The following BAALC variants were observed in gnomAD, a reference collection of about 807,000 sequenced individuals.
BAALC encodes brain and acute leukemia cytoplasmic protein.
BAALC carries 9 observed loss-of-function variants against 15.5 expected under a neutral mutation model. That is an observed-to-expected ratio of 0.58 (90% CI 0.35 to 1.02). The LOEUF (loss-of-function observed/expected upper bound fraction) is 1.02. BAALC is among the 50% of genes least tolerant of loss of function. The pLI, the probability that BAALC is intolerant of heterozygous loss-of-function variation, is 0.02. For synonymous variants in BAALC, 80 were observed against 74.6 expected, an observed-to-expected ratio of 1.07 and a Z score of -0.37; for missense variants, 201 against 192.4, an observed-to-expected ratio of 1.04 and a Z score of -0.27.
chr8:103,155,846 G>C (rs917655903), intron 1 of BAALC, among the ~76,000 whole-genome samples: 1 of 152,184 alleles, frequency 6.6e-6, no homozygotes, highest in Non-Finnish European at 1.5e-5. Context: ...CGTGGGTCTG[G>C]GGTGGACCTG....
intron 1 of BAALC, among the ~76,000 whole-genome samples, chr8:103,195,210 G>T (rs1211157628): frequency 1.3e-5 from 2 of 152,020 alleles, no homozygotes; most frequent in African/African-American, 4.8e-5. Context: ...TGGCAAGAGG[G>T]AAGGAAAGCC....
At chr8:103,168,905 A>G (rs979122324) in intron 1 of BAALC, among the ~76,000 whole-genome samples, 6 of 152,148 alleles carry the variant, frequency 3.9e-5, no homozygotes, top group African/African-American at 1.4e-4. Context: ...TATGCCTTCT[A>G]CATTTAATCG....
At chr8:103,181,983 G>A (rs1811739679) in intron 1 of BAALC, among the ~76,000 whole-genome samples, 1 of 152,136 alleles carries the variant, frequency 6.6e-6, no homozygotes, top group South Asian at 2.1e-4. Flanking sequence ...GTGTCGTTCT[G>A]GGGCTGACTC....
intron 1 of BAALC, among the ~76,000 whole-genome samples, chr8:103,163,540 T>A (rs1811276285): frequency 6.6e-6 from 1 of 152,152 alleles, no homozygotes. Flanking sequence ...GTGTAAGACT[T>A]TGGGGTTATT....
At chr8:103,150,137 C>T (rs1810953007) in intron 1 of BAALC, among the ~76,000 whole-genome samples, 1 of 152,138 alleles carries the variant, frequency 6.6e-6, no homozygotes, top group Admixed American at 6.5e-5. Flanking sequence ...TGCAGGGAAA[C>T]TCCCCTTTAT....
chr8:103,175,111 A>G (rs1201880633), intron 1 of BAALC, among the ~76,000 whole-genome samples: 1 of 152,068 alleles, frequency 6.6e-6, no homozygotes, highest in African/African-American at 2.4e-5. Flanking sequence ...CCCTGCCCTA[A>G]ACAGTTGAAA....
At chr8:103,226,590 C>A (rs1563660097) in intron 2 of BAALC, among the ~76,000 whole-genome samples, 1 of 152,200 alleles carries the variant, frequency 6.6e-6, no homozygotes, top group Admixed American at 6.5e-5. Context: ...CACAACACTG[C>A]CCCTCACCAA....
At chr8:103,169,270 T>C (rs1811423402) in intron 1 of BAALC, among the ~76,000 whole-genome samples, 1 of 152,190 alleles carries the variant, frequency 6.6e-6, no homozygotes, top group South Asian at 2.1e-4. Flanking sequence ...TTTGGTTCTC[T>C]GAATGTTCCT....
chr8:103,197,423 C>T (rs1180473594), intron 1 of BAALC, among the ~76,000 whole-genome samples: 1 of 152,106 alleles, frequency 6.6e-6, no homozygotes, highest in Non-Finnish European at 1.5e-5. Flanking sequence ...AATCAAATTC[C>T]AACTCCATGA....
In BAALC at chr8:103,193,758, A is replaced by G. The variant is rs940036844; in HGVS notation, c.161-19161A>G. Among the ~76,000 whole-genome samples the G allele has an allele frequency of 1.3e-5, 2 of 152,314 alleles. 1 individual carries two copies. Among genetic ancestry groups the G allele is most frequent in the South Asian group, 4.1e-4 (2 of 4,826 alleles). Reference sequence around the variant, plus strand: ...AATATGGCACATGGTCAATATTATTATTTAGCCTCTTCTGAAAGGTCATAC... The same window carrying G: ...AATATGGCACATGGTCAATATTATTGTTTAGCCTCTTCTGAAAGGTCATAC... On this transcript the variant is annotated intron_variant, in intron 1 of 2. Transcript: ENST00000309982.
chr8:103,194,693 GT>G, intron 1 of BAALC, among the ~76,000 whole-genome samples: 1 of 152,320 alleles, frequency 6.6e-6, no homozygotes, highest in Non-Finnish European at 1.5e-5. Context: ...AGGCTGGAAA[GT>G]CCAAGACCAA....
In BAALC at chr8:103,194,697, A is replaced by C. The variant is rs575952337; in HGVS notation, c.161-18222A>C. Among the ~76,000 whole-genome samples, 4 of 152,346 alleles carry C rather than the reference A, an allele frequency of 2.6e-5. No homozygotes were observed. The East Asian group carries it at 7.7e-4, about 29-fold the overall frequency. The stretch of plus-strand genomic sequence containing the variant: ...CACAGTTCTAGAGGCTGGAAAGTCC[A>C]AGACCAAGGGGCCAGCAGGTTCAGT... On this transcript the variant is annotated intron_variant, in intron 1 of 2. Transcript: ENST00000309982.
At chr8:103,146,890 T>G (rs1874091) in intron 1 of BAALC, among the ~76,000 whole-genome samples, 43,964 of 152,098 alleles carry the variant, frequency 0.29, 6,625 homozygotes, top group African/African-American at 0.36. Flanking sequence ...CAGAGTATCA[T>G]GTTGTGCCAT....
rs1193849787 is a variant in BAALC, at chr8:103,143,314, T to G, written c.160+2257T>G. Among the ~76,000 whole-genome samples the G allele has an allele frequency of 2.0e-5, 3 of 152,222 alleles. No individual in the cohort carries two copies. The East Asian group carries it at 5.8e-4, about 29-fold the overall frequency. On this transcript the variant is annotated intron_variant, in intron 1 of 2. Transcript: ENST00000309982. ...ACCTCACCCACCCCCTGCCAGTGCTTTACTCATGATTTTACTCCCAAGCTG... is the reference window on the plus strand; with the variant it reads ...ACCTCACCCACCCCCTGCCAGTGCTGTACTCATGATTTTACTCCCAAGCTG...
At chr8:103,190,259 G>C (rs1346734452) in intron 1 of BAALC, among the ~76,000 whole-genome samples, 2 of 152,166 alleles carry the variant, frequency 1.3e-5, no homozygotes, top group Admixed American at 6.5e-5. Flanking sequence ...TAGACTTTCA[G>C]CTTGTTCTGC....
intron 1 of BAALC, among the ~76,000 whole-genome samples, chr8:103,144,568 A>G (rs1586368357): frequency 6.6e-6 from 1 of 152,156 alleles, no homozygotes; most frequent in Non-Finnish European, 1.5e-5. Context: ...GGTTGCCATG[A>G]CCCAACCTAG....
At chr8:103,180,312 C>A (rs1811698152) in intron 1 of BAALC, among the ~76,000 whole-genome samples, 1 of 152,162 alleles carries the variant, frequency 6.6e-6, no homozygotes, top group African/African-American at 2.4e-5. Context: ...ACTATGGTTT[C>A]CAGAAATCTA....
rs927245928 is a variant in BAALC at position 103,229,970 on chromosome 8, G to A, written c.*1871G>A. ...AGTTCAAGGGCTCTTTCTCCCTGGG[G>A]ATGTGCTTTGTGGCTTCTCTTTACA... On this transcript the variant is annotated 3_prime_UTR_variant, in exon 3 of 3. Coordinates refer to ENST00000309982, the MANE Select transcript of BAALC (RefSeq NM_024812.3). 1 of 152,200 alleles carries A rather than the reference G, an allele frequency of 6.6e-6. No individual in the cohort carries two copies. The highest frequency in any genetic ancestry group is 2.4e-5 in the African/African-American group (1 of 41,436). The allele number at this position is 152,200 out of a possible 1,614,324, so 9.4% of individuals were successfully genotyped here. A position where few individuals can be genotyped will look rare whatever the true frequency, so the allele number is the denominator to read the frequency against.
chr8:103,215,418 A>G (rs1031862044), intron 2 of BAALC, among the ~76,000 whole-genome samples: 2 of 152,236 alleles, frequency 1.3e-5, no homozygotes, highest in African/African-American at 4.8e-5. Flanking sequence ...TGAATAGTGT[A>G]TTAGTCAGTT....
Sources: allele counts gnomAD v4.1 joint callset (sites outside exome capture counted in the v4.1 genomes callset), GRCh38; gene constraint gnomAD v4.1.1; transcripts MANE v1.5; gene names NCBI Gene and HGNC (gene_info 2026-07-23, HGNC 2026-07-21).